MYO15B: variants seen among roughly 807,000 people sequenced by gnomAD.
The protein encoded by MYO15B is myosin XVB pseudogene.
A neutral mutation model predicts 119.3 loss-of-function variants in MYO15B; 207 were observed. The ratio of observed to expected loss-of-function variants is 1.73; its 90% CI spans 1.55 to 1.95. The LOEUF is 1.95. Ranked by LOEUF, MYO15B falls within the 30% of genes most tolerant of loss-of-function variation. MYO15B has a pLI of 0.00. For missense variants in MYO15B, 2,264 were observed against 1,203.1 expected (o/e 1.88, Z -13.04); for synonymous variants, 966 against 498.9 (o/e 1.94, Z -12.48).
In MYO15B at chr17:75,624,768, C is replaced by G. The variant is rs1473080877; in HGVS notation, c.8543-3C>G. On this transcript the variant is annotated splice_region_variant and splice_polypyrimidine_tract_variant and intron_variant, in intron 58 of 63. Coordinates refer to ENST00000645453, the Ensembl canonical transcript of MYO15B. ...CAGCAGTGGACCTAGGCTCCCCATG[C>G]AGGCCAGCTGGTGCGGCCCCTGCAG... 3 of 702,812 alleles carry G rather than the reference C, an allele frequency of 4.3e-6. No homozygotes were observed. The highest frequency in any genetic ancestry group is 7.8e-6 in the Non-Finnish European group (3 of 384,912). 43.5% of individuals were successfully genotyped at this position (702,812 alleles called of 1,614,324 possible).
chr17:75,617,708 C>T (rs374110618), intron 41 of MYO15B, 102 bp from the exon 42 acceptor site: 34 of 612,388 alleles, frequency 5.6e-5, no homozygotes, highest in African/African-American at 4.6e-4. Context: ...GAGAGCCGGG[C>T]CCTTGGAAGG....
exon 39 of MYO15B, chr17:75,616,633 C>A (rs1568201937): frequency 1.4e-6 from 1 of 702,640 alleles, no homozygotes; most frequent in Non-Finnish European, 2.6e-6. Flanking sequence ...CGGCCAAGGG[C>A]CATGGCCAAG....
intron 56 of MYO15B, 27 bp from the exon 57 acceptor site, chr17:75,624,343 G>A (rs924407780): frequency 1.6e-5 from 11 of 702,564 alleles, no homozygotes; most frequent in Middle Eastern, 2.3e-4. Context: ...ACCACTGGCC[G>A]ACTGACCCTG....
At chr17:75,592,781 G>A (rs777905731) in exon 9 of MYO15B, 75 of 702,922 alleles carry the variant, frequency 1.1e-4, no homozygotes, top group African/African-American at 3.3e-4. Flanking sequence ...GTTGAATGCC[G>A]TCTGGGCTGT....
rs140164507 is a variant in MYO15B, at chr17:75,601,267, A to G, written c.3526-171A>G. ...TTGCCCAGGCTGATCTCGAACTCCT[A>G]TCCTCAAACGATCCGACCACCTCGG... On this transcript the variant is annotated intron_variant, in intron 14 of 63. Coordinates refer to ENST00000645453, the Ensembl canonical transcript of MYO15B. Among the ~76,000 whole-genome samples, 372 of 152,106 alleles carry G rather than the reference A, an allele frequency of 2.4e-3. 2 individuals are homozygous for G. The highest frequency in any genetic ancestry group is 8.7e-3 in the African/African-American group (360 of 41,514).
At chr17:75,623,980 A>G (rs1364403268) in exon 55 of MYO15B, 1 of 703,026 alleles carries the variant, frequency 1.4e-6, no homozygotes, top group East Asian at 2.7e-5. Flanking sequence ...GAGCTTCCTC[A>G]GCCTTCTCAC....
exon 1 of MYO15B, chr17:75,588,435 G>T (rs1220360478): frequency 2.5e-6 from 1 of 398,510 alleles, no homozygotes; most frequent in Non-Finnish European, 4.4e-6. Flanking sequence ...GCCGCCGTAG[G>T]AGGAAGCGGA....
At chr17:75,609,323 C>T (rs972884916) in intron 21 of MYO15B, among the ~76,000 whole-genome samples, 5 of 151,184 alleles carry the variant, frequency 3.3e-5, no homozygotes, top group Non-Finnish European at 7.4e-5. Context: ...AAGGACACGC[C>T]GTCATGCCTG....
At chr17:75,599,441 A>AT (rs200313801) in intron 14 of MYO15B, among the ~76,000 whole-genome samples, 7 of 150,088 alleles carry the variant, frequency 4.7e-5, no homozygotes, top group South Asian at 2.1e-4. Flanking sequence ...TGCTTGGCTA[A>AT]TTTTTTTTTC....
At chr17:75,626,061 A>AC (rs1209971549) in intron 62 of MYO15B, 27 bp from the exon 63 acceptor site, 1 of 700,420 alleles carries the variant, frequency 1.4e-6, no homozygotes. Flanking sequence ...CGGAGAGGAG[A>AC]CCAGCCCTGC....
At chr17:75,624,260 G>A (rs1313146339) in exon 56 of MYO15B, 2 of 702,978 alleles carry the variant, frequency 2.8e-6, no homozygotes, top group Admixed American at 2.0e-5. Context: ...GTGAAATGAA[G>A]GCTTTCCTGG....
chr17:75,621,649 G>A (rs2058719500), intron 52 of MYO15B, 79 bp downstream of exon 52: 3 of 661,786 alleles, frequency 4.5e-6, no homozygotes, highest in Admixed American at 4.2e-5. Context: ...ATCTCCTTGA[G>A]CTCTGCCTGG....
At chr17:75,596,806 C>T (rs1276492717) in exon 14 of MYO15B, 5 of 702,508 alleles carry the variant, frequency 7.1e-6, no homozygotes, top group South Asian at 3.0e-5. Context: ...GGGTGCCTGT[C>T]CCTCAGCCTC....
rs377041355 is a variant in MYO15B, at chr17:75,596,034, C to T, written c.3298-426C>T. ...TCCTGTGTGTGTGTTTCAAGGGGCA[C>T]AAAGCTGCATGAAGCTTCCTAAGAG... On this transcript the variant is annotated intron_variant, in intron 12 of 63. Coordinates refer to ENST00000645453, the Ensembl canonical transcript of MYO15B. 1.3e-5 allele frequency among the ~76,000 whole-genome samples: 2 copies of T among 152,198 alleles called. 1 individual carries two copies.
intron 60 of MYO15B, 124 bp from the exon 61 acceptor site, chr17:75,625,403 C>T (rs2058981795): frequency 1.5e-6 from 1 of 655,540 alleles, no homozygotes; most frequent in Non-Finnish European, 2.8e-6. Context: ...AGGACCCTCA[C>T]CTCATTCATG....
chr17:75,611,405 G>C (rs1419718123), intron 23 of MYO15B, among the ~76,000 whole-genome samples, 196 bp from the exon 24 acceptor site: 6 of 150,434 alleles, frequency 4.0e-5, no homozygotes, highest in African/African-American at 1.5e-4. Context: ...AGAAGTCAAG[G>C]CTGCAGTGAG....
intron 21 of MYO15B, among the ~76,000 whole-genome samples, chr17:75,609,752 C>A (rs549589968): frequency 3.5e-4 from 52 of 147,318 alleles, no homozygotes; most frequent in African/African-American, 1.3e-3. Flanking sequence ...GTCACCCAGG[C>A]TGGAGTGCAA....
In MYO15B at chr17:75,615,035, C is replaced by G. The variant is rs1286007649; in HGVS notation, c.5634C>G (p.Tyr1878Ter). Residue 1878 changes from tyrosine (Y) to a stop codon, truncating the protein, a stop_gained, in exon 33 of 64, where the codon TAC becomes TAG. Coordinates refer to ENST00000645453, the Ensembl canonical transcript of MYO15B. LOFTEE classifies it high-confidence loss of function. ...CCATTGGGCCCACACAGCAGGGCTA[C>G]CCCATGGGTGAGTGAGGGGCTGATT... 2.3e-5 allele frequency: 16 copies of G among 702,756 alleles called. No homozygotes were observed. The highest frequency in any genetic ancestry group is 4.4e-5 in the South Asian group (3 of 67,598). 43.5% of individuals were successfully genotyped at this position (702,756 alleles called of 1,614,324 possible).
At chr17:75,591,787 C>T in intron 5 of MYO15B, 75 bp downstream of exon 5, 1 of 699,914 alleles carries the variant, frequency 1.4e-6, no homozygotes. Flanking sequence ...CTGACCATGT[C>T]CAAGGGACTA....
Sources: allele counts gnomAD v4.1 joint callset (sites outside exome capture counted in the v4.1 genomes callset), GRCh38; gene constraint gnomAD v4.1.1; transcripts MANE v1.5; gene names NCBI Gene and HGNC (gene_info 2026-07-23, HGNC 2026-07-21).